The following ZNF215 variants were observed in gnomAD, a reference collection of about 807,000 sequenced individuals.
ZNF215 encodes the protein BWSCR2-associated zinc finger protein 2.
In ZNF215, 24 loss-of-function variants were observed where a neutral mutation model predicts 27.2. The ratio of observed to expected loss-of-function variants is 0.88; its 90% CI spans 0.64 to 1.24. The LOEUF is 1.24. Among genes scored for constraint, ZNF215 ranks in the 50% most tolerant of loss-of-function variants. ZNF215 has a pLI of 0.00. For synonymous variants in ZNF215, 210 were observed against 204.0 expected (o/e 1.03, Z -0.25); for missense variants, 675 against 605.7 (o/e 1.11, Z -1.20).
chr11:6,981,442 C>T (rs1850949904), intron 5 of ZNF215, among the ~76,000 whole-genome samples: 1 of 152,068 alleles, frequency 6.6e-6, no homozygotes, highest in Non-Finnish European at 1.5e-5. Context: ...CCTTCGCCCA[C>T]TTTTTGATGG....
chr11:6,968,792 G>A (rs932332153), intron 5 of ZNF215, among the ~76,000 whole-genome samples: 2 of 152,038 alleles, frequency 1.3e-5, no homozygotes, highest in African/African-American at 4.8e-5. Flanking sequence ...CCTGAGCCCA[G>A]GAGGTTGAGG....
chr11:6,951,692 A>T (rs1448452004), intron 6 of ZNF215, among the ~76,000 whole-genome samples: 1 of 152,032 alleles, frequency 6.6e-6, no homozygotes, highest in Non-Finnish European at 1.5e-5. Context: ...CAGCTCCTGG[A>T]TTCATTAATT....
chr11:6,989,698 G>A (rs999722527), downstream of ZNF215, among the ~76,000 whole-genome samples: 7 of 152,140 alleles, frequency 4.6e-5, no homozygotes, highest in Admixed American at 3.9e-4. Context: ...GTAGCTTCCT[G>A]TGACCAGCTG....
At chr11:6,953,636 C>G (rs1352660464) in intron 6 of ZNF215, among the ~76,000 whole-genome samples, 3 of 152,182 alleles carry the variant, frequency 2.0e-5, no homozygotes, top group South Asian at 4.1e-4. Context: ...ATACATTTGT[C>G]TAAAATTTTT....
At chr11:6,933,092 T>A (rs1480979420) in intron 3 of ZNF215, among the ~76,000 whole-genome samples, 2 of 152,230 alleles carry the variant, frequency 1.3e-5, no homozygotes, top group Admixed American at 6.5e-5. Context: ...TATCTGCCCC[T>A]TTACAGAAAA....
At chr11:6,955,390 G>A (rs1850288831) in intron 6 of ZNF215, among the ~76,000 whole-genome samples, 3 of 152,172 alleles carry the variant, frequency 2.0e-5, no homozygotes, top group African/African-American at 4.8e-5. Context: ...ACGAACCAGT[G>A]ATAACTTGAA....
chr11:6,931,553 A>T (rs1849261184), intron 2 of ZNF215, among the ~76,000 whole-genome samples: 1 of 151,838 alleles, frequency 6.6e-6, no homozygotes, highest in Non-Finnish European at 1.5e-5. Flanking sequence ...ACTCCTAACA[A>T]ATATAAACTT....
At chr11:6,975,247 C>G (rs2638108) in intron 5 of ZNF215, among the ~76,000 whole-genome samples, 34,453 of 151,898 alleles carry the variant, frequency 0.23, 4,035 homozygotes, top group Non-Finnish European at 0.25. Flanking sequence ...ATGAAGCCCA[C>G]TTGATAATTT....
intron 5 of ZNF215, among the ~76,000 whole-genome samples, chr11:6,981,851 T>C (rs1203609595): frequency 6.6e-6 from 1 of 151,976 alleles, no homozygotes; most frequent in Non-Finnish European, 1.5e-5. Flanking sequence ...CCCAGCACCA[T>C]TTATTAAATG....
At chr11:6,937,738 A>G (rs771114017) in intron 3 of ZNF215, among the ~76,000 whole-genome samples, 5 of 151,932 alleles carry the variant, frequency 3.3e-5, no homozygotes, top group African/African-American at 4.8e-5. Context: ...GTGTCAAGGC[A>G]TTAAATGAGA....
rs1327727014 is a variant in ZNF215 at position 6,955,904 on chromosome 11, C to G, written c.927C>G (p.Ser309Arg). Reference protein sequence around the residue: ...EDFECSENKKSFDINSVSSIC... With the variant: ...EDFECSENKKRFDINSVSSIC... ...TTGAATGTAGTGAAAATAAGAAAAG[C>G]TTTGATATTAATTCAGTTAGCTCAA... Residue 309 changes from serine to arginine, a missense_variant, in exon 7 of 7, where the codon AGC becomes AGG. Ser to Arg is a moderately radical substitution (Grantham distance 110). Coordinates refer to ENST00000278319, the MANE Select transcript of ZNF215 (RefSeq NM_013250.4). 6.2e-7 allele frequency: 1 copy of G among 1,611,048 alleles called. No individual in the cohort carries two copies. Among genetic ancestry groups the G allele is most frequent in the Non-Finnish European group, 8.5e-7 (1 of 1,179,244 alleles).
chr11:6,935,485 A>G (rs781076360), intron 3 of ZNF215, among the ~76,000 whole-genome samples: 1 of 152,230 alleles, frequency 6.6e-6, no homozygotes, highest in Non-Finnish European at 1.5e-5. Context: ...ATGCAGGTAA[A>G]CATAACATAG....
chr11:6,955,983 A>G lies in ZNF215; in HGVS notation c.1006A>G (p.Lys336Glu), dbSNP rs1470413108. The change falls in exon 7 of 7, where the codon AAG becomes GAG. Residue 336 changes from lysine (K) to glutamate (E), a missense_variant. By Grantham distance (56) the Lys-to-Glu change is moderately conservative. Transcript: ENST00000278319. ...AAGAAAGGGGTCTCCAAAATGTGAT[A>G]AGTTTAAAACTTACTTCAAATTTAA... ...PSRKGSPKCD[K>E]FKTYFKFNLD... is the part of the protein sequence containing the mutation. 6.2e-7 allele frequency: 1 copy of G among 1,612,988 alleles called. No individual in the cohort carries two copies. The highest frequency in any genetic ancestry group is 2.2e-5 in the East Asian group (1 of 44,872).
At chr11:6,948,378 G>C (rs964711191) in intron 6 of ZNF215, among the ~76,000 whole-genome samples, 1 of 152,188 alleles carries the variant, frequency 6.6e-6, no homozygotes. Flanking sequence ...CACACACCCA[G>C]TGTACACTGG....
chr11:6,980,820 T>G (rs1255437470), intron 5 of ZNF215, among the ~76,000 whole-genome samples: 1 of 143,550 alleles, frequency 7.0e-6, no homozygotes, highest in Non-Finnish European at 1.5e-5. Flanking sequence ...CCATGTGTTC[T>G]CATTGTTCAT....
rs1244506720 is a variant in ZNF215 at position 6,927,781 on chromosome 11, C to G, written c.-206C>G. The G allele has an allele frequency of 6.6e-6, 1 of 152,234 alleles. No homozygotes were observed. The highest frequency in any genetic ancestry group is 1.5e-5 in the Non-Finnish European group (1 of 68,046). 9.4% of individuals were successfully genotyped at this position (152,234 alleles called of 1,614,324 possible). A position where few individuals can be genotyped will look rare whatever the true frequency, so the allele number is the denominator to read the frequency against. On this transcript the variant is annotated 5_prime_UTR_variant, in exon 2 of 7. Coordinates refer to ENST00000278319, the MANE Select transcript of ZNF215 (RefSeq NM_013250.4). ...CAGCATGCCATCCTGAACGTCTCTC[C>G]CTGTCCTAGCTCTGTAACTGTTTAC...
At chr11:6,962,213 C>A (rs919910845), downstream of ZNF215, among the ~76,000 whole-genome samples, 2 of 152,200 alleles carry the variant, frequency 1.3e-5, no homozygotes, top group African/African-American at 4.8e-5. Flanking sequence ...GGAGTCATCA[C>A]CAGAATCTAG....
At chr11:6,969,429 A>G (rs1218527196) in intron 5 of ZNF215, among the ~76,000 whole-genome samples, 2 of 152,194 alleles carry the variant, frequency 1.3e-5, no homozygotes, top group African/African-American at 4.8e-5. Context: ...CACAGAGAAA[A>G]AAGCTCTACT....
intron 2 of ZNF215, among the ~76,000 whole-genome samples, chr11:6,930,351 C>T (rs1849211884): frequency 6.6e-6 from 1 of 152,170 alleles, no homozygotes; most frequent in Admixed American, 6.5e-5. Context: ...TGTATATATA[C>T]ATATCTGTAA....
Sources: gnomAD v4.1 joint callset for allele counts (sites outside exome capture counted in the v4.1 genomes callset) on GRCh38, gnomAD v4.1.1 for gene constraint, MANE v1.5 for transcripts, NCBI Gene and HGNC (gene_info 2026-07-23, HGNC 2026-07-21) for gene names.